The following MAP7 variants were observed in gnomAD, a reference collection of about 807,000 sequenced individuals.
The protein encoded by MAP7 is ensconsin.
Under a neutral mutation model 94.8 loss-of-function variants are expected in MAP7, and 52 were observed. The observed-to-expected ratio is 0.55, with a 90% CI of 0.44 to 0.69. MAP7 has a LOEUF of 0.69. Among genes scored for constraint, MAP7 ranks in the 30% least tolerant of loss-of-function variants. The pLI is 0.00. For missense variants in MAP7, 940 were observed against 964.6 expected, an observed-to-expected ratio of 0.97 and a Z score of 0.34; for synonymous variants, 350 against 357.0, an observed-to-expected ratio of 0.98 and a Z score of 0.22.
intron 1 of MAP7, among the ~76,000 whole-genome samples, chr6:136,513,529 T>C (rs950736654): frequency 2.0e-4 from 30 of 152,348 alleles, no homozygotes; most frequent in African/African-American, 6.5e-4. Context: ...ACATCTGCAG[T>C]TACTTCCTCT....
In MAP7 at chr6:136,420,249, G is replaced by A. The variant is rs545889713; in HGVS notation, c.166+1452C>T. The A allele has an allele frequency of 1.0e-4, 101 of 982,638 alleles. 1 individual carries two copies. Among genetic ancestry groups the A allele is most frequent in the South Asian group, 1.0e-3 (79 of 77,996 alleles). 60.9% of individuals were successfully genotyped at this position (982,638 alleles called of 1,614,324 possible). On this transcript the variant is annotated intron_variant, in intron 2 of 17. Coordinates refer to ENST00000354570, the MANE Select transcript of MAP7 (RefSeq NM_003980.6). ...GAACATAGAAATCTGACAGGGCCGC[G>A]CCAGGTAAAACATCGCAGAAGAGCC... is the stretch of plus-strand genomic sequence containing the variant.
At position 136,544,778 on chromosome 6, in the gene MAP7, G is replaced by GT. The variant is rs748918146; in HGVS notation, c.67+5563dup. Among the ~76,000 whole-genome samples, 22 of 152,168 alleles carry GT rather than the reference G, an allele frequency of 1.4e-4. No homozygotes were observed. In the East Asian group the frequency reaches 1.9e-3, roughly 13 times the overall value. On this transcript the variant is annotated intron_variant, in intron 1 of 17. Transcript: ENST00000354570. ...ACATTTTCATGTCTAAAGCAGAGAG[G>GT]TTTTTTTCCTGTTTCTCCCACCAAA...
chr6:136,405,844 CT>C (rs2128723289), intron 3 of MAP7, among the ~76,000 whole-genome samples: 1 of 152,252 alleles, frequency 6.6e-6, no homozygotes, highest in Non-Finnish European at 1.5e-5. Context: ...AGAGTATTTG[CT>C]GATGGATTGG....
Position 136,389,436 on chromosome 6 carries a change from CTCT to C in MAP7, c.323_325del (p.Lys108del). ...CTCCTTCTGCCTCTGCTCCTCCAAC[CTCT>C]TCTTCCGCTCTTCCAGGTGCTTCTC... is the stretch of plus-strand genomic sequence containing the variant. On this transcript the variant is annotated inframe_deletion, in exon 4 of 18. Coordinates refer to ENST00000354570, the MANE Select transcript of MAP7 (RefSeq NM_003980.6). 1.2e-6 allele frequency: 2 copies of C among 1,602,778 alleles called. No homozygotes were observed. The highest frequency in any genetic ancestry group is 1.7e-6 in the Non-Finnish European group (2 of 1,175,986).
At chr6:136,391,720 A>G (rs1019967744) in intron 3 of MAP7, among the ~76,000 whole-genome samples, 10 of 151,946 alleles carry the variant, frequency 6.6e-5, no homozygotes, top group Middle Eastern at 3.4e-3. Context: ...TTACTGAATG[A>G]CTGAAAAAAT....
At chr6:136,461,231 T>C (rs1300267014) in intron 1 of MAP7, among the ~76,000 whole-genome samples, 1 of 152,206 alleles carries the variant, frequency 6.6e-6, no homozygotes, top group African/African-American at 2.4e-5. Context: ...TGCTTAGTTA[T>C]TGATGATTTC....
chr6:136,377,626 AC>A, intron 7 of MAP7, 128 bp downstream of exon 7: 2 of 667,136 alleles, frequency 3.0e-6, no homozygotes, highest in South Asian at 3.4e-5. Flanking sequence ...TATGAAACCA[AC>A]ACCGACAGAC....
chr6:136,483,027 A>T (rs1813404296), intron 1 of MAP7, among the ~76,000 whole-genome samples: 1 of 150,752 alleles, frequency 6.6e-6, no homozygotes, highest in South Asian at 2.1e-4. Flanking sequence ...TGCTTGTCTT[A>T]TTAATTACTG....
intron 1 of MAP7, chr6:136,525,857 C>A: frequency 8.5e-6 from 13 of 1,535,442 alleles, no homozygotes; most frequent in Non-Finnish European, 1.1e-5. Flanking sequence ...AATTTCCATT[C>A]TTTTGCTGTT....
At chr6:136,526,057 A>G in intron 1 of MAP7, 1 of 1,441,814 alleles carries the variant, frequency 6.9e-7, no homozygotes, top group Non-Finnish European at 9.0e-7. Context: ...GCTAGTTCCT[A>G]AGCTGCCTGT....
chr6:136,459,677 T>C (rs933725811), intron 1 of MAP7, among the ~76,000 whole-genome samples: 1 of 152,168 alleles, frequency 6.6e-6, no homozygotes, highest in African/African-American at 2.4e-5. Context: ...TTATTTCACT[T>C]ATGATGTATC....
In MAP7 at chr6:136,377,795, C is replaced by T. The variant is rs1379346149; in HGVS notation, c.711G>A (p.Leu237=). 1 of 1,614,094 alleles carries T rather than the reference C, an allele frequency of 6.2e-7. No homozygotes were observed. Among genetic ancestry groups the T allele is most frequent in the East Asian group, 2.2e-5 (1 of 44,876 alleles). Residue 237 remains leucine (L), a synonymous_variant, in exon 7 of 18, where the codon CTG becomes CTA. Transcript: ENST00000354570. ...NRLLTPTHSF[L]ARSKSTAALS... ...AGGCAGCTGTGCTTTTACTTCTGGCCAGGAACGAATGTGTGGGCGTCAGGA... is the reference window on the plus strand; with the variant it reads ...AGGCAGCTGTGCTTTTACTTCTGGCTAGGAACGAATGTGTGGGCGTCAGGA...
chr6:136,441,841 C>A (rs2128851122), intron 1 of MAP7, among the ~76,000 whole-genome samples: 1 of 152,098 alleles, frequency 6.6e-6, no homozygotes, highest in Middle Eastern at 3.4e-3. Flanking sequence ...ACAGGGAGAC[C>A]CTGTCTCTAC....
chr6:136,447,076 A>G (rs1243603952), intron 1 of MAP7, among the ~76,000 whole-genome samples: 1 of 152,188 alleles, frequency 6.6e-6, no homozygotes, highest in Non-Finnish European at 1.5e-5. Context: ...TCTATATGCA[A>G]TGAGACTATC....
intron 4 of MAP7, among the ~76,000 whole-genome samples, chr6:136,389,033 A>G (rs1779949583): frequency 6.6e-6 from 1 of 152,170 alleles, no homozygotes; most frequent in Non-Finnish European, 1.5e-5. Flanking sequence ...TCTATGTGTA[A>G]ATGTTTGCAA....
At chr6:136,366,950 T>A (rs1253652244) in intron 8 of MAP7, among the ~76,000 whole-genome samples, 1 of 152,236 alleles carries the variant, frequency 6.6e-6, no homozygotes, top group Non-Finnish European at 1.5e-5. Flanking sequence ...TGATGTTGTA[T>A]AATGGAATCA....
At chr6:136,514,453 G>A (rs975405770) in intron 1 of MAP7, among the ~76,000 whole-genome samples, 2 of 151,988 alleles carry the variant, frequency 1.3e-5, no homozygotes, top group African/African-American at 2.4e-5. Context: ...AGGTGTGGTG[G>A]TGTACACCTG....
At chr6:136,372,321 G>A (rs1774774628) in intron 8 of MAP7, among the ~76,000 whole-genome samples, 180 bp downstream of exon 8, 1 of 152,186 alleles carries the variant, frequency 6.6e-6, no homozygotes, top group South Asian at 2.1e-4. Context: ...CCCAAGTGAA[G>A]AGGAAGTGAG....
intron 1 of MAP7, among the ~76,000 whole-genome samples, chr6:136,506,377 C>T (rs904601370): frequency 2.0e-5 from 3 of 152,080 alleles, no homozygotes; most frequent in Non-Finnish European, 4.4e-5. Flanking sequence ...ACACAAACCA[C>T]ACTTGAAAGT....
Sources: gnomAD v4.1 joint callset for allele counts (sites outside exome capture counted in the v4.1 genomes callset) on GRCh38, gnomAD v4.1.1 for gene constraint, MANE v1.5 for transcripts, NCBI Gene and HGNC (gene_info 2026-07-23, HGNC 2026-07-21) for gene names.